The following KANSL1 variants were observed in gnomAD, a reference collection of about 807,000 sequenced individuals.
KANSL1 encodes the protein KAT8 regulatory NSL complex subunit 1.
In KANSL1, 22 loss-of-function variants were observed where a neutral mutation model predicts 103.6. That is an observed-to-expected ratio of 0.21 (90% CI 0.15 to 0.30). The LOEUF is 0.30. Among genes scored for constraint, KANSL1 ranks in the 10% least tolerant of loss-of-function variants. The pLI, the probability that KANSL1 is intolerant of heterozygous loss-of-function variation, is 1.00. For missense variants in KANSL1, 1,337 were observed against 1,399.8 expected, an observed-to-expected ratio of 0.96 and a Z score of 0.72; for synonymous variants, 600 against 527.6, an observed-to-expected ratio of 1.14 and a Z score of -1.88.
intron 2 of KANSL1, among the ~76,000 whole-genome samples, chr17:46,099,441 A>G (rs1472687895): frequency 6.6e-6 from 1 of 152,220 alleles, no homozygotes; most frequent in East Asian, 1.9e-4. Flanking sequence ...CACTCTGACA[A>G]TTTACAGCTC....
intron 2 of KANSL1, among the ~76,000 whole-genome samples, chr17:46,125,324 T>C (rs8068300): frequency 0.54 from 81,196 of 151,274 alleles, 22,048 homozygotes; most frequent in East Asian, 0.88. Flanking sequence ...ATAAGCCTAC[T>C]GCATACTTAA....
chr17:46,186,399 G>T (rs200400051), intron 1 of KANSL1, among the ~76,000 whole-genome samples: 1 of 142,574 alleles, frequency 7.0e-6, no homozygotes, highest in Non-Finnish European at 1.6e-5. Flanking sequence ...AAAAAAAAAA[G>T]AATTCTAAAG....
chr17:46,116,055 G>A (rs576014257), intron 2 of KANSL1, among the ~76,000 whole-genome samples: 15 of 152,108 alleles, frequency 9.9e-5, no homozygotes, highest in Admixed American at 6.5e-4. Flanking sequence ...AAGAATCCCC[G>A]GAACCAAGCC....
At chr17:46,169,224 TAAG>T (rs1361120894) in intron 2 of KANSL1, among the ~76,000 whole-genome samples, 3 of 152,220 alleles carry the variant, frequency 2.0e-5, no homozygotes, top group African/African-American at 7.2e-5. Flanking sequence ...CAAGCTGAAT[TAAG>T]CTACTAATCC....
chr17:46,068,580 A>G (rs976148227), intron 4 of KANSL1, among the ~76,000 whole-genome samples: 20 of 152,126 alleles, frequency 1.3e-4, no homozygotes, highest in Admixed American at 9.2e-4. Flanking sequence ...ATGAATAAAT[A>G]AATAAATAAA....
chr17:46,119,040 T>C (rs1285124803), intron 2 of KANSL1, among the ~76,000 whole-genome samples: 2 of 152,226 alleles, frequency 1.3e-5, no homozygotes, highest in African/African-American at 4.8e-5. Context: ...TCACCAGCCT[T>C]AATATTTTCT....
intron 6 of KANSL1, among the ~76,000 whole-genome samples, chr17:46,066,265 C>T (rs2078372831): frequency 6.6e-6 from 1 of 152,194 alleles, no homozygotes; most frequent in African/African-American, 2.4e-5. Context: ...AGTACTTAAA[C>T]TTTCAGTCTC....
chr17:46,079,160 A>G (rs1481392053), intron 4 of KANSL1, among the ~76,000 whole-genome samples: 1 of 152,148 alleles, frequency 6.6e-6, no homozygotes, highest in Non-Finnish European at 1.5e-5. Flanking sequence ...TTGCTCCATG[A>G]CTCAAAAAAG....
At chr17:46,168,650 C>T (rs2046129467) in intron 2 of KANSL1, among the ~76,000 whole-genome samples, 2 of 152,294 alleles carry the variant, frequency 1.3e-5, no homozygotes, top group South Asian at 4.1e-4. Flanking sequence ...CGTGCCCGGC[C>T]CTAAATACAA....
At chr17:46,059,048 G>GAA (rs111461865) in intron 6 of KANSL1, among the ~76,000 whole-genome samples, 3 of 108,350 alleles carry the variant, frequency 2.8e-5, no homozygotes, top group Non-Finnish European at 4.1e-5. Flanking sequence ...CTCCATCTCG[G>GAA]AAAAAAAAAA....
chr17:46,125,273 T>G (rs1598689929), intron 2 of KANSL1, among the ~76,000 whole-genome samples: 3 of 152,310 alleles, frequency 2.0e-5, no homozygotes. Flanking sequence ...CTTTTAGCAA[T>G]AAATATTTTA....
At chr17:46,168,090 G>A (rs2046095212) in intron 2 of KANSL1, among the ~76,000 whole-genome samples, 1 of 152,162 alleles carries the variant, frequency 6.6e-6, no homozygotes, top group Admixed American at 6.5e-5. Context: ...TCACCAGCTG[G>A]GTCAAGTTCC....
intron 4 of KANSL1, among the ~76,000 whole-genome samples, chr17:46,069,891 G>A (rs1174704400): frequency 2.6e-5 from 4 of 151,520 alleles, no homozygotes; most frequent in African/African-American, 9.7e-5. Context: ...AGTGAACACC[G>A]AGAAAAGGCT....
intron 1 of KANSL1, among the ~76,000 whole-genome samples, chr17:46,216,777 T>C (rs1026421375): frequency 4.6e-5 from 7 of 152,126 alleles, no homozygotes; most frequent in African/African-American, 1.7e-4. Context: ...ATACACCTGT[T>C]CTGGGCTGAA....
At chr17:46,090,150 G>GGCAGCAACTGCAGTGAT (rs1376766988) in intron 3 of KANSL1, among the ~76,000 whole-genome samples, 1 of 152,224 alleles carries the variant, frequency 6.6e-6, no homozygotes, top group Non-Finnish European at 1.5e-5. Flanking sequence ...TGAAGATGGA[G>GGCAGCAACTGCAGTGAT]GCAGCAACTG....
At chr17:46,154,405 G>A (rs551906627) in intron 2 of KANSL1, among the ~76,000 whole-genome samples, 46 of 152,244 alleles carry the variant, frequency 3.0e-4, no homozygotes, top group African/African-American at 8.0e-4. Context: ...TCAGCTTCCC[G>A]AGTAGCTGGG....
At chr17:46,218,754 G>A (rs1417764716) in intron 1 of KANSL1, among the ~76,000 whole-genome samples, 1 of 151,542 alleles carries the variant, frequency 6.6e-6, no homozygotes, top group African/African-American at 2.4e-5. Context: ...CTGAACTCCA[G>A]CCTGGGCGAC....
chr17:46,184,989 G>A (rs1263376936), intron 1 of KANSL1, among the ~76,000 whole-genome samples: 2 of 151,954 alleles, frequency 1.3e-5, no homozygotes, highest in Non-Finnish European at 2.9e-5. Context: ...ACAGGCACCC[G>A]CCACCACATC....
In KANSL1 at chr17:46,171,534, C is replaced by T. The variant is rs1057520810; in HGVS notation, c.610G>A (p.Gly204Ser). The T allele has an allele frequency of 5.0e-6, 8 of 1,612,848 alleles. No homozygotes were observed. The highest frequency in any genetic ancestry group is 5.9e-6 in the Non-Finnish European group (7 of 1,179,524). The change falls in exon 2 of 15, where the codon GGT becomes AGT. Residue 204 changes from glycine (G) to serine (S), a missense_variant. Around this residue, in one of 2 missense-constraint regions of KANSL1, gnomAD observed 557 missense variants for 476.4 expected, o/e 1.17. Transcript: ENST00000432791. ...GGSESGDLKGGMTNCTLPHRS... is the reference protein window; with the variant it reads ...GGSESGDLKGSMTNCTLPHRS... ...TGTGGAAGAGTGCAATTGGTCATAC[C>T]CCCCTTCAAGTCCCCAGATTCAGAT...
Sources: gnomAD v4.1 joint callset for allele counts (sites outside exome capture counted in the v4.1 genomes callset) on GRCh38, gnomAD v4.1.1 for gene constraint, gnomAD v4.1.1 regional missense constraint, MANE v1.5 for transcripts, NCBI Gene and HGNC (gene_info 2026-07-23, HGNC 2026-07-21) for gene names.